INCENP: variants seen among roughly 807,000 people sequenced by gnomAD.
The protein encoded by INCENP is inner centromere protein, also known as binds and activates aurora-B and -C in vivo and in vitro.
In INCENP, 43 loss-of-function variants were observed where a neutral mutation model predicts 107.3. The observed-to-expected ratio is 0.40, with a 90% CI of 0.31 to 0.52. INCENP has a LOEUF of 0.52. INCENP is among the 20% of genes least tolerant of loss of function. The pLI is 0.53. For synonymous variants in INCENP, 488 were observed against 494.4 expected, an observed-to-expected ratio of 0.99 and a Z score of 0.17; for missense variants, 1,089 against 1,250.9, an observed-to-expected ratio of 0.87 and a Z score of 1.95.
Position 62,150,151 on chromosome 11 carries a change from A to T in INCENP, c.2486A>T (p.Asp829Val). ...AACTACGGGATGGATCTGAATAGCG[A>T]CGACTCCACCGATGATGAGGCCCAT... The part of the protein sequence containing the change: ...PDNYGMDLNS[D>V]DSTDDEAHPR... The change falls in exon 18 of 19, where the codon GAC becomes GTC. Residue 829 changes from aspartate (D) to valine (V), a missense_variant. Transcript: ENST00000394818. 1 of 1,613,956 alleles carries T rather than the reference A, an allele frequency of 6.2e-7. No homozygotes were observed. Among genetic ancestry groups the T allele is most frequent in the Non-Finnish European group, 8.5e-7 (1 of 1,179,978 alleles).
At position 62,152,433 on chromosome 11, in the gene INCENP, C is replaced by T. The variant is rs972613450; in HGVS notation, c.*457C>T. 7.6e-5 allele frequency: 13 copies of T among 170,550 alleles called. No homozygotes were observed. Among genetic ancestry groups the T allele is most frequent in the Non-Finnish European group, 1.5e-4 (12 of 80,394 alleles). The allele number at this position is 170,550 out of a possible 1,614,324, so 10.6% of individuals were successfully genotyped here. A position where few individuals can be genotyped will look rare whatever the true frequency, so the allele number is the denominator to read the frequency against. ...GACGAAGGTACTGTTCCATCACCTG[C>T]GGTGTGCCTCAGGATCACCAGGTGC... On this transcript the variant is annotated 3_prime_UTR_variant, in exon 19 of 19. Coordinates refer to ENST00000394818, the MANE Select transcript of INCENP (RefSeq NM_001040694.2).
chr11:62,128,104 C>T (rs1943795493), intron 1 of INCENP, 47 bp from the exon 2 acceptor site: 2 of 1,606,352 alleles, frequency 1.2e-6, no homozygotes, highest in Admixed American at 1.7e-5. Context: ...GCCCCAGACC[C>T]CTACCCTGGG....
chr11:62,130,482 G>T lies in INCENP; in HGVS notation c.955G>T (p.Ala319Ser). 1 of 1,614,116 alleles carries T rather than the reference G, an allele frequency of 6.2e-7. No homozygotes were observed. Among genetic ancestry groups the T allele is most frequent in the Non-Finnish European group, 8.5e-7 (1 of 1,180,040 alleles). The stretch of plus-strand genomic sequence containing the variant: ...GTCTTCCCCGAGTCCCCAAGTCTTA[G>T]CCCAGAAGTACTCTCTGGTGGCCAA... Reference protein sequence around the residue: ...APSSPSPQVLAQKYSLVAKQE... With the variant: ...APSSPSPQVLSQKYSLVAKQE... The change falls in exon 4 of 19, where the codon GCC becomes TCC. Residue 319 changes from alanine to serine, a missense_variant. By Grantham distance (99) the Ala-to-Ser change is moderately conservative. Coordinates refer to ENST00000394818, the MANE Select transcript of INCENP (RefSeq NM_001040694.2).
intron 17 of INCENP, among the ~76,000 whole-genome samples, chr11:62,149,164 CCTCTCTCT>C (rs10608140): frequency 6.7e-6 from 1 of 149,980 alleles, no homozygotes; most frequent in Non-Finnish European, 1.5e-5. Flanking sequence ...ACACAGATAT[CCTCTCTCT>C]CTCTCTCTCT....
chr11:62,148,400 T>C, intron 15 of INCENP, 76 bp from the exon 16 acceptor site: 1 of 1,384,734 alleles, frequency 7.2e-7, no homozygotes. Context: ...GGGCCTGGTT[T>C]CCCCAGCAGG....
intron 5 of INCENP, 67 bp downstream of exon 5, chr11:62,137,950 C>T (rs1944027683): frequency 5.7e-6 from 8 of 1,411,870 alleles, no homozygotes; most frequent in Non-Finnish European, 7.0e-6. Context: ...AGGTGAGCAC[C>T]AGGGCTGGAA....
intron 4 of INCENP, among the ~76,000 whole-genome samples, chr11:62,131,986 A>G (rs1230949998): frequency 2.0e-5 from 3 of 152,000 alleles, no homozygotes; most frequent in African/African-American, 7.2e-5. Flanking sequence ...ATGGGGTTTC[A>G]CCATGTTGGC....
chr11:62,134,298 A>G (rs1943946642), intron 4 of INCENP, among the ~76,000 whole-genome samples: 1 of 151,936 alleles, frequency 6.6e-6, no homozygotes, highest in Admixed American at 6.6e-5. Flanking sequence ...CTGTAGTCCC[A>G]GCTACTCAGG....
Position 62,146,658 on chromosome 11 carries a change from G to C in INCENP, c.1960G>C (p.Glu654Gln), listed in dbSNP as rs763491382. 2.8e-4 allele frequency: 429 copies of C among 1,550,840 alleles called. No homozygotes were observed. Among genetic ancestry groups the C allele is most frequent in the Non-Finnish European group, 3.6e-4 (412 of 1,146,896 alleles). ...CACCTGACCTTGCTCTCTGTTTCAGGAGGAGGAAGAGCGGCGGCACCAAGA... is the reference window on the plus strand; with the variant it reads ...CACCTGACCTTGCTCTCTGTTTCAGCAGGAGGAAGAGCGGCGGCACCAAGA... ...EARRLRWLQQEEEERRHQELL... is the reference protein window; with the variant it reads ...EARRLRWLQQQEEERRHQELL... The change falls in exon 15 of 19, where the codon GAG becomes CAG. Residue 654 changes from glutamate to glutamine, a missense_variant and splice_region_variant. Transcript: ENST00000394818.
chr11:62,147,819 G>A (rs759433873), intron 15 of INCENP, among the ~76,000 whole-genome samples: 1 of 152,192 alleles, frequency 6.6e-6, no homozygotes. Context: ...GGCGTAGGGT[G>A]TAGCTAATGT....
chr11:62,145,012 C>T lies in INCENP; in HGVS notation c.1636C>T (p.Arg546Trp), dbSNP rs1484714450. Residue 546 changes from arginine (R) to tryptophan (W), a missense_variant, in exon 12 of 19, where the codon CGG (arginine) becomes TGG (tryptophan). Physicochemically the swap from Arg to Trp is moderately radical, Grantham distance 101 (BLOSUM62 -3). Transcript: ENST00000394818. ...GGAGCGGCAGCGCCTGGAGAATCTG[C>T]GGCGGAAGGAGGAGGCCGAGCAGCT... ...EKERQRLENL[R>W]RKEEAEQLRR... 8.1e-6 allele frequency: 13 copies of T among 1,604,598 alleles called. No homozygotes were observed. Among genetic ancestry groups the T allele is most frequent in the African/African-American group, 5.4e-5 (4 of 74,242 alleles).
intron 1 of INCENP, among the ~76,000 whole-genome samples, chr11:62,126,006 G>A (rs1384806543): frequency 1.3e-5 from 2 of 152,186 alleles, no homozygotes; most frequent in Non-Finnish European, 2.9e-5. Flanking sequence ...CATACAAAAT[G>A]TGAGACAATG....
Position 62,145,286 on chromosome 11 carries a change from G to A in INCENP, c.1833G>A (p.Glu611=), listed in dbSNP as rs1290126702. 3.7e-6 allele frequency: 6 copies of A among 1,613,872 alleles called. No homozygotes were observed. The East Asian group carries it at 1.3e-4, about 36-fold the overall frequency. The change falls in exon 13 of 19, where the codon GAG becomes GAA. Residue 611 remains glutamate, a synonymous_variant. Coordinates refer to ENST00000394818, the MANE Select transcript of INCENP (RefSeq NM_001040694.2). ...TTGCTCAGATCGACGAGAAGACTGA[G>A]AAGGTGGGAGCCTGGGCTGTGGAGG... ...QKFAQIDEKT[E]KAKEERLAEE... is the part of the protein sequence containing the mutation.
At chr11:62,142,737 A>T (rs1430516529) in intron 11 of INCENP, among the ~76,000 whole-genome samples, 1 of 152,224 alleles carries the variant, frequency 6.6e-6, no homozygotes, top group African/African-American at 2.4e-5. Context: ...TGAAGATGGC[A>T]GTGCTGTTTG....
intron 17 of INCENP, 95 bp from the exon 18 acceptor site, chr11:62,149,962 T>G: frequency 1.7e-6 from 2 of 1,200,380 alleles, no homozygotes; most frequent in Non-Finnish European, 2.4e-6. Flanking sequence ...GTTTCTCCTG[T>G]GAAATAGGAG....
rs763687523 is a variant in INCENP at position 62,130,305 on chromosome 11, G to A, written c.778G>A (p.Ala260Thr). 7.4e-6 allele frequency: 12 copies of A among 1,611,702 alleles called. No individual in the cohort carries two copies. The highest frequency in any genetic ancestry group is 1.0e-5 in the Non-Finnish European group (12 of 1,180,006). ...GCGGTCTGCGTCTAAGCTCAGGATTGCGCAGGTCTCCCCTGGCCCACGGGA... is the reference window on the plus strand; with the variant it reads ...GCGGTCTGCGTCTAAGCTCAGGATTACGCAGGTCTCCCCTGGCCCACGGGA... ...TGRSASKLRI[A>T]QVSPGPRDSP... Residue 260 changes from alanine (A) to threonine (T), a missense_variant, in exon 4 of 19, where the codon GCG (alanine) becomes ACG (threonine). Physicochemically the swap from Ala to Thr is moderately conservative, Grantham distance 58 (BLOSUM62 0). Transcript: ENST00000394818.
chr11:62,144,491 C>T (rs575574557), intron 11 of INCENP, among the ~76,000 whole-genome samples: 124 of 152,044 alleles, frequency 8.2e-4, no homozygotes, highest in African/African-American at 2.8e-3. Flanking sequence ...AGTTGATATA[C>T]ACAATAGAAT....
intron 10 of INCENP, 86 bp downstream of exon 10, chr11:62,141,130 A>G: frequency 6.6e-7 from 1 of 1,514,440 alleles, no homozygotes; most frequent in South Asian, 1.2e-5. Flanking sequence ...TACTGGGAGT[A>G]GTGTGAGCCT....
chr11:62,148,960 C>G (rs1202684112), intron 17 of INCENP, 114 bp downstream of exon 17: 5 of 558,246 alleles, frequency 9.0e-6, no homozygotes, highest in African/African-American at 3.9e-5. Flanking sequence ...GACAGATACA[C>G]TTGGCCCAAT....
Sources: gnomAD v4.1 joint callset for allele counts (sites outside exome capture counted in the v4.1 genomes callset) on GRCh38, gnomAD v4.1.1 for gene constraint, MANE v1.5 for transcripts, NCBI Gene and HGNC (gene_info 2026-07-23, HGNC 2026-07-21) for gene names.